ZNF454: variants seen among roughly 807,000 people sequenced by gnomAD.
The protein encoded by ZNF454 is zinc finger protein 454.
In ZNF454, 30 loss-of-function variants were observed where a neutral mutation model predicts 48.2. That is an observed-to-expected ratio of 0.62 (90% CI 0.47 to 0.84). The LOEUF (loss-of-function observed/expected upper bound fraction) is 0.84. ZNF454 is among the 40% of genes least tolerant of loss of function. The pLI is 0.00. For synonymous variants in ZNF454, 204 were observed against 211.4 expected (o/e 0.97, Z 0.30); for missense variants, 510 against 623.1 (o/e 0.82, Z 1.93).
At chr5:178,974,285 AGTGGTTGTT>A in the ZNF454 span, among the ~76,000 whole-genome samples, 753 of 149,116 alleles carry the variant, frequency 5.0e-3, 2 homozygotes, top group African/African-American at 0.018. Context: ...TAGCCTTTCT[AGTGGTTGTT>A]GTGGTTGTTG....
chr5:178,945,699 G>A (rs1759303539), intron 2 of ZNF454, among the ~76,000 whole-genome samples: 2 of 151,498 alleles, frequency 1.3e-5, no homozygotes, highest in South Asian at 4.2e-4. Flanking sequence ...GTGTGTGGGG[G>A]GGTGTGGGTA....
At chr5:178,981,296 T>G in the ZNF454 span, 2 of 271,904 alleles carry the variant, frequency 7.4e-6, no homozygotes, top group East Asian at 1.8e-4. The surrounding 1 kb of genome is among the most constrained non-coding windows in gnomAD (Gnocchi z 5.1). Flanking sequence ...TTATGGGGGT[T>G]GACTGAGGGG....
At chr5:178,945,790 G>A (rs567296462) in intron 2 of ZNF454, among the ~76,000 whole-genome samples, 3 of 152,004 alleles carry the variant, frequency 2.0e-5, no homozygotes, top group African/African-American at 4.8e-5. Context: ...GATAGGTGTC[G>A]AGTACATGGG....
chr5:178,985,859 T>C, the ZNF454 span: 2 of 548,762 alleles, frequency 3.6e-6, no homozygotes, highest in African/African-American at 3.8e-5. Flanking sequence ...ACTCTTGGGC[T>C]CAAGCGATCC....
rs1173530939 is a variant in ZNF454 at position 178,965,793 on chromosome 5, T to C, written c.1389T>C (p.Thr463=). ...TTACCCAACATAAGAGAATTCATAC[T>C]AGGGAAAAACCTTACAAATGTAAAA... The part of the protein sequence containing the change: ...SALTQHKRIH[T]REKPYKCKIC... The change falls in exon 5 of 5, where the codon ACT becomes ACC. Residue 463 remains threonine (T), a synonymous_variant. Transcript: ENST00000519564. The surrounding 1 kb of genome is among the most constrained non-coding windows in gnomAD (Gnocchi z 5.2). 16 of 1,614,164 alleles carry C rather than the reference T, an allele frequency of 9.9e-6. No individual in the cohort carries two copies. Among genetic ancestry groups the C allele is most frequent in the Non-Finnish European group, 1.4e-5 (16 of 1,180,036 alleles).
chr5:178,946,481 A>G lies in ZNF454; in HGVS notation c.156A>G (p.Ser52=), dbSNP rs1759343470. 2.5e-6 allele frequency: 4 copies of G among 1,596,666 alleles called. No homozygotes were observed. In the South Asian group the frequency reaches 3.4e-5, roughly 13 times the overall value. Residue 52 remains serine (S), a synonymous_variant, in exon 3 of 5, where the codon TCA becomes TCG. Coordinates refer to ENST00000519564, the MANE Select transcript of ZNF454 (RefSeq NM_001178089.3). The surrounding 1 kb of genome is among the most constrained non-coding windows in gnomAD (Gnocchi z 4.5). ...VMLENYSNLV[S]LGLLGPKPDT... ...TGGAGAACTACAGCAACCTGGTCTC[A>G]CTGGGTAAGTGGGACCCCTGCAAGG...
intron 4 of ZNF454, among the ~76,000 whole-genome samples, chr5:178,961,734 C>T (rs113878968): frequency 0.076 from 11,452 of 150,604 alleles, 602 homozygotes; most frequent in Non-Finnish European, 0.1. Context: ...GCAGGAGAAT[C>T]GCTTGAATCC....
At chr5:178,977,388 G>A in the ZNF454 span, 1 of 455,664 alleles carries the variant, frequency 2.2e-6, no homozygotes, top group Non-Finnish European at 4.4e-6. Context: ...TTAAGAACAA[G>A]CAGGCAGCCC....
Position 178,966,040 on chromosome 5 carries a change from C to A in ZNF454, c.*67C>A. The A allele has an allele frequency of 7.9e-7, 1 of 1,263,648 alleles. No homozygotes were observed. The highest frequency in any genetic ancestry group is 1.1e-6 in the Non-Finnish European group (1 of 911,314). The allele number at this position is 1,263,648 out of a possible 1,614,324, so 78.3% of individuals were successfully genotyped here. A position where few individuals can be genotyped will look rare whatever the true frequency, so the allele number is the denominator to read the frequency against. The stretch of plus-strand genomic sequence containing the variant: ...ATGAATTATTGAATGTGAGATAATC[C>A]GTTCTAGAGAATAACTATGAAAGCT... On this transcript the variant is annotated 3_prime_UTR_variant, in exon 5 of 5. Coordinates refer to ENST00000519564, the MANE Select transcript of ZNF454 (RefSeq NM_001178089.3).
chr5:178,959,750 CGCCCACCACCACGCCTGGCTAATTTTT>C, intron 4 of ZNF454, among the ~76,000 whole-genome samples: 1 of 151,330 alleles, frequency 6.6e-6, no homozygotes, highest in South Asian at 2.1e-4. Context: ...GGACTACAGG[CGCCCACCACCACGCCTGGCTAATTTTT>C]TGTATTTTTA....
At chr5:178,957,199 T>G (rs187765471) in intron 4 of ZNF454, among the ~76,000 whole-genome samples, 29 of 152,176 alleles carry the variant, frequency 1.9e-4, no homozygotes, top group Middle Eastern at 6.8e-3. Flanking sequence ...TCTTATTTTA[T>G]TCGTCCTAAC....
chr5:178,989,382 G>A, the ZNF454 span: 6 of 1,613,984 alleles, frequency 3.7e-6, no homozygotes, highest in Non-Finnish European at 4.2e-6. Flanking sequence ...TCCAGGGATC[G>A]AGTCATGAAG....
At position 178,965,544 on chromosome 5, in the gene ZNF454, A is replaced by G. The variant is rs142636856; in HGVS notation, c.1140A>G (p.Gly380=). The part of the protein sequence containing the change: ...SLTEHQRIHT[G]EKPYKCNECG... The stretch of plus-strand genomic sequence containing the variant: ...CTGAACATCAGAGAATTCATACTGG[A>G]GAGAAACCTTATAAATGTAATGAAT... Residue 380 remains glycine, a synonymous_variant, in exon 5 of 5, where the codon GGA becomes GGG. Coordinates refer to ENST00000519564, the MANE Select transcript of ZNF454 (RefSeq NM_001178089.3). This position sits in a 1 kb window ranked among gnomAD's most constrained non-coding sequence, Gnocchi z 5.2. 61 of 1,613,926 alleles carry G rather than the reference A, an allele frequency of 3.8e-5. No individual in the cohort carries two copies. The African/African-American group carries it at 7.7e-4, about 21-fold the overall frequency.
downstream of ZNF454, chr5:178,969,335 C>T (rs1045235512): frequency 1.2e-5 from 5 of 402,422 alleles, no homozygotes; most frequent in African/African-American, 1.0e-4. Flanking sequence ...ACCAGCTGAT[C>T]TGTGTGGTGT....
At chr5:178,952,293 T>C (rs1428617345) in intron 4 of ZNF454, among the ~76,000 whole-genome samples, 2 of 152,244 alleles carry the variant, frequency 1.3e-5, no homozygotes, top group Non-Finnish European at 2.9e-5. Context: ...CGCCTCGGCC[T>C]CCCAAAGTGC....
At chr5:178,983,146 C>A in the ZNF454 span, 3 of 1,613,974 alleles carry the variant, frequency 1.9e-6, no homozygotes, top group Non-Finnish European at 1.7e-6. Flanking sequence ...TGCTCGGGGT[C>A]CACCGTCCGC....
chr5:178,975,993 C>T, the ZNF454 span: 4 of 376,786 alleles, frequency 1.1e-5, no homozygotes, highest in Non-Finnish European at 2.2e-5. Flanking sequence ...CTGCTCCACT[C>T]TGCTGCCTTC....
At chr5:178,977,664 G>T in the ZNF454 span, among the ~76,000 whole-genome samples, 1 of 151,992 alleles carries the variant, frequency 6.6e-6, no homozygotes, top group African/African-American at 2.4e-5. Context: ...CCGCCTCCCG[G>T]GTTCAAGCGA....
chr5:178,971,001 G>T (rs1006489370), downstream of ZNF454, among the ~76,000 whole-genome samples: 1 of 152,202 alleles, frequency 6.6e-6, no homozygotes, highest in East Asian at 1.9e-4. Flanking sequence ...GGGGCCAGCA[G>T]TTCACATGTG....
Sources: gnomAD v4.1 joint callset for allele counts (sites outside exome capture counted in the v4.1 genomes callset) on GRCh38, gnomAD v4.1.1 for gene constraint, Gnocchi (gnomAD v3.1) non-coding constraint, MANE v1.5 for transcripts, NCBI Gene and HGNC (gene_info 2026-07-23, HGNC 2026-07-21) for gene names.